The following BRCA2 variants were observed in gnomAD, a reference collection of about 807,000 sequenced individuals.
BRCA2 encodes the protein BRCA2 DNA repair associated, also known as breast cancer type 2 susceptibility protein.
Under a neutral mutation model 276.7 loss-of-function variants are expected in BRCA2, and 203 were observed. That is an observed-to-expected ratio of 0.73 (90% CI 0.65 to 0.82). The LOEUF is 0.82. Among genes scored for constraint, BRCA2 ranks in the 40% least tolerant of loss-of-function variants. BRCA2 has a pLI of 0.00. For missense variants in BRCA2, 3,920 were observed against 3,915.0 expected, an observed-to-expected ratio of 1.00 and a Z score of -0.03; for synonymous variants, 1,289 against 1,338.4, an observed-to-expected ratio of 0.96 and a Z score of 0.81.
At chr13:32,370,703 G>A in intron 19 of BRCA2, 146 bp downstream of exon 19, 1 of 999,170 alleles carries the variant, frequency 1.0e-6, no homozygotes, top group Non-Finnish European at 1.5e-6. Flanking sequence ...CACCTCCCGG[G>A]TTCAAGTGAT....
chr13:32,318,674 G>A (rs982882079), intron 2 of BRCA2, among the ~76,000 whole-genome samples: 35 of 152,162 alleles, frequency 2.3e-4, no homozygotes, highest in Middle Eastern at 3.4e-3. Context: ...ATCTGACCTC[G>A]TGATCTGCTC....
At chr13:32,342,461 T>C (rs1019478749) in intron 11 of BRCA2, among the ~76,000 whole-genome samples, 4 of 152,198 alleles carry the variant, frequency 2.6e-5, no homozygotes, top group African/African-American at 9.7e-5. Context: ...CTTTTAAATG[T>C]ATATATATCT....
chr13:32,344,405 T>C (rs2072595066), intron 11 of BRCA2, among the ~76,000 whole-genome samples, 153 bp from the exon 12 acceptor site: 1 of 152,176 alleles, frequency 6.6e-6, no homozygotes, highest in Non-Finnish European at 1.5e-5. Context: ...CTGACTTTAC[T>C]CTTTCAAACA....
rs565480894 is a variant in BRCA2 at position 32,319,025 on chromosome 13, CA to C, written c.68-49del. 2.5e-6 allele frequency: 4 copies of C among 1,604,306 alleles called. No individual in the cohort carries two copies. In the South Asian group the frequency reaches 4.5e-5, roughly 18 times the overall value. On this transcript the variant is annotated intron_variant, in intron 2 of 26. Transcript: ENST00000380152. ...TATGATCTTTAACTGTTCTGGGTCA[CA>C]AATTTGTCTGTCACTGGTTAAAACT...
chr13:32,369,679 T>C (rs2072814013), intron 18 of BRCA2, among the ~76,000 whole-genome samples: 1 of 152,102 alleles, frequency 6.6e-6, no homozygotes, highest in African/African-American at 2.4e-5. Context: ...GTTCAAGCAG[T>C]TCTCCTGCCT....
At chr13:32,321,662 C>A (rs576284564) in intron 3 of BRCA2, among the ~76,000 whole-genome samples, 2 of 152,116 alleles carry the variant, frequency 1.3e-5, no homozygotes, top group Admixed American at 6.6e-5. Flanking sequence ...TTTGCTTTTA[C>A]GTTTACTTTA....
Position 32,338,351 on chromosome 13 carries a change from T to A in BRCA2, c.3996T>A (p.His1332Gln), listed in dbSNP as rs1593901143. The A allele has an allele frequency of 6.3e-7, 1 of 1,585,588 alleles. No homozygotes were observed. The highest frequency in any genetic ancestry group is 8.6e-7 in the Non-Finnish European group (1 of 1,168,620). Reference protein sequence around the residue: ...NKYTAASRNSHNLEFDGSDSS... With the variant: ...NKYTAASRNSQNLEFDGSDSS... ...ATACTGCTGCCAGTAGAAATTCTCA[T>A]AACTTAGAATTTGATGGCAGTGATT... Residue 1332 changes from histidine to glutamine, a missense_variant, in exon 11 of 27, where the codon CAT becomes CAA. Transcript: ENST00000380152.
chr13:32,366,216 G>T (rs2072780951), intron 18 of BRCA2, among the ~76,000 whole-genome samples: 1 of 152,064 alleles, frequency 6.6e-6, no homozygotes, highest in Admixed American at 6.6e-5. Context: ...GTCCCTAGTG[G>T]TATATACCCC....
chr13:32,390,648 A>C (rs1446934370), intron 24 of BRCA2, among the ~76,000 whole-genome samples: 2 of 152,176 alleles, frequency 1.3e-5, no homozygotes, highest in Non-Finnish European at 2.9e-5. Flanking sequence ...AGTCTGGGTT[A>C]GATCCTCCTT....
rs587780866 is a variant in BRCA2 at position 32,336,767 on chromosome 13, A to G, written c.2412A>G (p.Glu804=). 85 of 1,612,054 alleles carry G rather than the reference A, an allele frequency of 5.3e-5. No individual in the cohort carries two copies. The Admixed American group carries it at 1.1e-3, about 20-fold the overall frequency. ...ACAAGCTCAAAGGTAACAATTATGA[A>G]TCTGATGTTGAATTAACCAAAAATA... The part of the protein sequence containing the change: ...MSDKLKGNNY[E]SDVELTKNIP... The change falls in exon 11 of 27, where the codon GAA becomes GAG. Residue 804 remains glutamate (E), a synonymous_variant. Transcript: ENST00000380152.
rs80359246 is a variant in BRCA2 at position 32,398,352 on chromosome 13, C to T, written c.9839C>T (p.Pro3280Leu). The T allele has an allele frequency of 6.2e-7, 1 of 1,614,122 alleles. No individual in the cohort carries two copies. Among genetic ancestry groups the T allele is most frequent in the Non-Finnish European group, 8.5e-7 (1 of 1,180,020 alleles). ...ALDFLSRLPL[P>L]PPVSPICTFV... ...GATTTCTTGAGTAGACTGCCTTTAC[C>T]TCCACCTGTTAGTCCCATTTGTACA... is the stretch of plus-strand genomic sequence containing the variant. The change falls in exon 27 of 27, where the codon CCT (proline) becomes CTT (leucine). Residue 3280 changes from proline to leucine, a missense_variant. Physicochemically the swap from Pro to Leu is moderately conservative, Grantham distance 98. Around this residue, in one of 2 missense-constraint regions of BRCA2, gnomAD observed 657 missense variants for 758.2 expected, o/e 0.87. Coordinates refer to ENST00000380152, the MANE Select transcript of BRCA2 (RefSeq NM_000059.4).
intron 2 of BRCA2, among the ~76,000 whole-genome samples, chr13:32,318,127 C>T (rs2072277025): frequency 6.6e-6 from 1 of 152,154 alleles, no homozygotes; most frequent in Non-Finnish European, 1.5e-5. Flanking sequence ...ATAATGGCTA[C>T]TAGTATTAGT....
Position 32,363,498 on chromosome 13 carries a change from AC to A in BRCA2, c.8297del (p.Thr2766AsnfsTer11), listed in dbSNP as rs80359705. The A allele has an allele frequency of 1.1e-5, 18 of 1,613,958 alleles. No homozygotes were observed. Among genetic ancestry groups the A allele is most frequent in the Non-Finnish European group, 1.3e-5 (15 of 1,179,986 alleles). On this transcript the variant is annotated frameshift_variant, in exon 18 of 27. Coordinates refer to ENST00000380152, the MANE Select transcript of BRCA2 (RefSeq NM_000059.4). LOFTEE classifies it high-confidence loss of function. ...AELVGSPDAC[T>X]PLEAPESLML... Reference sequence around the variant, plus strand: ...ACTGGTGGGCTCTCCTGATGCCTGTACACCTCTTGAAGCCCCAGAATCTCTT... The same window carrying A: ...ACTGGTGGGCTCTCCTGATGCCTGTAACCTCTTGAAGCCCCAGAATCTCTT...
chr13:32,363,941 T>G (rs1445292868), intron 18 of BRCA2, among the ~76,000 whole-genome samples: 4 of 152,204 alleles, frequency 2.6e-5, no homozygotes, highest in Non-Finnish European at 5.9e-5. Context: ...AACAGGACTC[T>G]TTGTCATATT....
chr13:32,332,084 TAGA>T (rs2072395622), intron 9 of BRCA2, among the ~76,000 whole-genome samples, 185 bp from the exon 10 acceptor site: 1 of 152,182 alleles, frequency 6.6e-6, no homozygotes, highest in East Asian at 1.9e-4. Context: ...CAGGCTTTAC[TAGA>T]AGAACAGGAG....
chr13:32,374,866 G>A (rs1214903492), intron 20 of BRCA2, among the ~76,000 whole-genome samples: 2 of 152,064 alleles, frequency 1.3e-5, no homozygotes, highest in African/African-American at 4.8e-5. Context: ...CCCCACTCCT[G>A]GTAACAATTA....
Position 32,337,231 on chromosome 13 carries a change from T to C in BRCA2, c.2876T>C (p.Val959Ala). The change falls in exon 11 of 27, where the codon GTA becomes GCA. Residue 959 changes from valine to alanine, a missense_variant. Coordinates refer to ENST00000380152, the MANE Select transcript of BRCA2 (RefSeq NM_000059.4). Reference sequence around the variant, plus strand: ...CTTGCAGAGGAGAACAAAAATAGTGTAAAGCAGCATATAAAAATGACTCTA... The same window carrying C: ...CTTGCAGAGGAGAACAAAAATAGTGCAAAGCAGCATATAAAAATGACTCTA... ...YVLAEENKNS[V>A]KQHIKMTLGQ... 1 of 1,612,342 alleles carries C rather than the reference T, an allele frequency of 6.2e-7. No homozygotes were observed. Among genetic ancestry groups the C allele is most frequent in the Non-Finnish European group, 8.5e-7 (1 of 1,179,520 alleles).
intron 4 of BRCA2, among the ~76,000 whole-genome samples, chr13:32,325,714 G>A (rs1013256470): frequency 6.6e-6 from 1 of 151,676 alleles, no homozygotes; most frequent in Non-Finnish European, 1.5e-5. Context: ...CTAATTTTTT[G>A]TATTTTTAGT....
At chr13:32,385,424 G>A (rs1315248621) in intron 24 of BRCA2, 4 of 212,458 alleles carry the variant, frequency 1.9e-5, no homozygotes. Flanking sequence ...TTTGTCTTTG[G>A]ATATGTCTTT....
Sources: gnomAD v4.1 joint callset for allele counts (sites outside exome capture counted in the v4.1 genomes callset) on GRCh38, gnomAD v4.1.1 for gene constraint, gnomAD v4.1.1 regional missense constraint, MANE v1.5 for transcripts, NCBI Gene and HGNC (gene_info 2026-07-23, HGNC 2026-07-21) for gene names.